The following ABHD2 variants were observed in gnomAD, a reference collection of about 807,000 sequenced individuals.
ABHD2 encodes monoacylglycerol lipase ABHD2.
A neutral mutation model predicts 48.1 loss-of-function variants in ABHD2; 20 were observed. The observed-to-expected ratio is 0.42, with a 90% CI of 0.29 to 0.60. The LOEUF (loss-of-function observed/expected upper bound fraction) is 0.60. Among genes scored for constraint, ABHD2 ranks in the 20% least tolerant of loss-of-function variants. ABHD2 has a pLI of 0.24. For missense variants in ABHD2, 405 were observed against 550.9 expected, an observed-to-expected ratio of 0.74 and a Z score of 2.65; for synonymous variants, 209 against 214.2, an observed-to-expected ratio of 0.98 and a Z score of 0.21.
rs2283439 is a variant in ABHD2 at position 89,177,690 on chromosome 15, T to C, written c.722+1695T>C. ...CACTGGGGAGTCAGCTGAGAGGACA[T>C]GTGCCTTTATCTTGGTGGGACTAGT... is the stretch of plus-strand genomic sequence containing the variant. On this transcript the variant is annotated intron_variant, in intron 6 of 10. Transcript: ENST00000352732. The surrounding 1 kb of genome is among the most constrained non-coding windows in gnomAD (Gnocchi z 5.6). Among the ~76,000 whole-genome samples the C allele has an allele frequency of 0.53, 80,343 of 151,806 alleles. 22,359 individuals carry two copies. Among genetic ancestry groups the C allele is most frequent in the East Asian group, 0.82 (4,226 of 5,158 alleles).
the ABHD2 span, among the ~76,000 whole-genome samples, chr15:89,080,847 A>G: frequency 6.6e-6 from 1 of 152,090 alleles, no homozygotes; most frequent in Non-Finnish European, 1.5e-5. Flanking sequence ...GGCGTGAGCC[A>G]CCACACCTGG....
chr15:89,188,166 C>A lies in ABHD2; in HGVS notation c.816-27C>A, dbSNP rs747696520. 6.3e-7 allele frequency: 1 copy of A among 1,598,318 alleles called. No individual in the cohort carries two copies. The highest frequency in any genetic ancestry group is 1.1e-5 in the South Asian group (1 of 90,708). On this transcript the variant is annotated intron_variant, in intron 7 of 10. Transcript: ENST00000352732. The surrounding 1 kb of genome is among the most constrained non-coding windows in gnomAD (Gnocchi z 4.1). ...GGTTGTTCATCCTCCACATCTTAAT[C>A]TCTGTTTGCTTTTGTGTTTGCTCTA...
intron 5 of ABHD2, among the ~76,000 whole-genome samples, chr15:89,169,680 C>T (rs2050889058): frequency 6.6e-6 from 1 of 152,176 alleles, no homozygotes; most frequent in African/African-American, 2.4e-5. Flanking sequence ...CAGCACAAAC[C>T]ATTGCTCCAG....
chr15:89,044,390 A>C, the ABHD2 span, among the ~76,000 whole-genome samples: 4 of 152,142 alleles, frequency 2.6e-5, no homozygotes, highest in African/African-American at 7.2e-5. Flanking sequence ...TTATAGCAGC[A>C]TGATTTATAG....
Position 89,185,941 on chromosome 15 carries a change from T to C in ABHD2, c.815+425T>C, listed in dbSNP as rs1330495301. Reference sequence around the variant, plus strand: ...AAGATTGCGCCAATGCACCCCAGCCTGGGTGACAGAGCGAGACCCTGTCTG... The same window carrying C: ...AAGATTGCGCCAATGCACCCCAGCCCGGGTGACAGAGCGAGACCCTGTCTG... On this transcript the variant is annotated intron_variant, in intron 7 of 10. Transcript: ENST00000352732. This position sits in a 1 kb window ranked among gnomAD's most constrained non-coding sequence, Gnocchi z 5.9. Among the ~76,000 whole-genome samples the C allele has an allele frequency of 6.6e-6, 1 of 152,198 alleles. No individual in the cohort carries two copies. The highest frequency in any genetic ancestry group is 1.5e-5 in the Non-Finnish European group (1 of 68,036).
chr15:89,144,099 A>G (rs1471778197), intron 3 of ABHD2, among the ~76,000 whole-genome samples: 11 of 152,158 alleles, frequency 7.2e-5, no homozygotes, highest in Non-Finnish European at 1.5e-5. Context: ...CAGCAGTGCT[A>G]TTCACAATAG....
the ABHD2 span, among the ~76,000 whole-genome samples, chr15:89,060,333 C>T: frequency 6.6e-6 from 1 of 151,732 alleles, no homozygotes; most frequent in Non-Finnish European, 1.5e-5. Flanking sequence ...TCAGGTGATC[C>T]ACCCACCTCG....
intron 3 of ABHD2, among the ~76,000 whole-genome samples, chr15:89,128,341 G>C (rs2050167888): frequency 6.6e-6 from 1 of 152,204 alleles, no homozygotes; most frequent in South Asian, 2.1e-4. Flanking sequence ...ACTCATGGCA[G>C]AAAACTGGCT....
rs2051185016 is a variant in ABHD2 at position 89,185,178 on chromosome 15, A to G, written c.723-246A>G. 6.6e-6 allele frequency among the ~76,000 whole-genome samples: 1 copy of G among 152,108 alleles called. No homozygotes were observed. On this transcript the variant is annotated intron_variant, in intron 6 of 10. Coordinates refer to ENST00000352732, the MANE Select transcript of ABHD2 (RefSeq NM_152924.5). This position sits in a 1 kb window ranked among gnomAD's most constrained non-coding sequence, Gnocchi z 5.9. ...AGAGAGTGTCGGGGGTGCCACCAACAAAGCCTCTGGCGCTAGAGAGGGCCT... is the reference window on the plus strand; with the variant it reads ...AGAGAGTGTCGGGGGTGCCACCAACGAAGCCTCTGGCGCTAGAGAGGGCCT...
At chr15:89,154,198 T>C (rs1028993422) in intron 4 of ABHD2, among the ~76,000 whole-genome samples, 1 of 152,242 alleles carries the variant, frequency 6.6e-6, no homozygotes, top group African/African-American at 2.4e-5. Context: ...ACGATCCTCC[T>C]GCCTCAGCCT....
At chr15:89,124,824 A>G (rs200996087) in intron 3 of ABHD2, among the ~76,000 whole-genome samples, 1 of 151,996 alleles carries the variant, frequency 6.6e-6, no homozygotes, top group Non-Finnish European at 1.5e-5. Context: ...CGCGGTGGCT[A>G]ACACCTGTAA....
At chr15:89,078,854 C>T in the ABHD2 span, among the ~76,000 whole-genome samples, 39,485 of 151,740 alleles carry the variant, frequency 0.26, 5,367 homozygotes, top group Admixed American at 0.36. Context: ...TCTCAGCCTC[C>T]TGAATAACTG....
intron 3 of ABHD2, among the ~76,000 whole-genome samples, chr15:89,122,150 G>A (rs2050061535): frequency 6.6e-6 from 1 of 152,188 alleles, no homozygotes; most frequent in African/African-American, 2.4e-5. Flanking sequence ...TCAGTTCTGA[G>A]ATACTATTCT....
intron 3 of ABHD2, among the ~76,000 whole-genome samples, chr15:89,122,702 G>C (rs1215264992): frequency 6.6e-6 from 1 of 152,216 alleles, no homozygotes; most frequent in African/African-American, 2.4e-5. Flanking sequence ...CCAGGTCCCG[G>C]TTGGGAAGTA....
intron 6 of ABHD2, among the ~76,000 whole-genome samples, chr15:89,181,264 TTTATG>T (rs1455295722): frequency 2.0e-5 from 3 of 147,538 alleles, no homozygotes; most frequent in Non-Finnish European, 3.0e-5. Context: ...GATGGTAAAT[TTTATG>T]TTATGTGTTT....
intron 3 of ABHD2, among the ~76,000 whole-genome samples, chr15:89,138,186 C>T (rs1163400798): frequency 6.6e-6 from 1 of 152,226 alleles, no homozygotes; most frequent in East Asian, 1.9e-4. Context: ...TAAACTCTGG[C>T]CCTTGCCGGC....
chr15:89,058,884 CT>C, the ABHD2 span, among the ~76,000 whole-genome samples: 2 of 151,440 alleles, frequency 1.3e-5, no homozygotes, highest in African/African-American at 2.4e-5. Context: ...AGAAGCCATC[CT>C]TTCAAGGGCA....
the ABHD2 span, among the ~76,000 whole-genome samples, chr15:89,073,681 T>C: frequency 4.6e-5 from 7 of 152,170 alleles, no homozygotes; most frequent in Non-Finnish European, 1.0e-4. Context: ...ATGCGAAGCA[T>C]CTCGGGATCT....
chr15:89,080,740 G>C, the ABHD2 span, among the ~76,000 whole-genome samples: 6 of 150,524 alleles, frequency 4.0e-5, no homozygotes, highest in South Asian at 1.3e-3. Context: ...TGTCGCCCAG[G>C]CTGGAGTGCA....
Sources: allele counts gnomAD v4.1 joint callset (sites outside exome capture counted in the v4.1 genomes callset), GRCh38; gene constraint gnomAD v4.1.1; non-coding constraint Gnocchi (gnomAD v3.1); transcripts MANE v1.5; gene names NCBI Gene and HGNC (gene_info 2026-07-23, HGNC 2026-07-21).